MSI2: variants seen among roughly 807,000 people sequenced by gnomAD.
The protein encoded by MSI2 is musashi RNA binding protein 2.
Under a neutral mutation model 45.6 loss-of-function variants are expected in MSI2, and 17 were observed. The ratio of observed to expected loss-of-function variants is 0.37; its 90% CI spans 0.26 to 0.56. The LOEUF (loss-of-function observed/expected upper bound fraction) is 0.56. MSI2 is among the 20% of genes least tolerant of loss of function. The pLI, the probability that MSI2 is intolerant of heterozygous loss-of-function variation, is 0.77. For missense variants in MSI2, 293 were observed against 444.2 expected (o/e 0.66, Z 3.06); for synonymous variants, 156 against 158.2 (o/e 0.99, Z 0.11).
chr17:57,257,069 C>T (rs367706823), intron 1 of MSI2, 29 bp from the exon 2 acceptor site: 74 of 1,466,834 alleles, frequency 5.0e-5, no homozygotes, highest in Non-Finnish European at 6.4e-5. Context: ...GACATCGGTG[C>T]TCACTTCTGT....
chr17:57,665,761 G>GC (rs1912318528), intron 11 of MSI2, among the ~76,000 whole-genome samples: 1 of 152,184 alleles, frequency 6.6e-6, no homozygotes, highest in African/African-American at 2.4e-5. Context: ...TCTCTGGGTG[G>GC]CCCCCTGGGT....
downstream of MSI2, among the ~76,000 whole-genome samples, chr17:57,686,258 A>G (rs1913877809): frequency 6.6e-6 from 1 of 152,218 alleles, no homozygotes; most frequent in African/African-American, 2.4e-5. Flanking sequence ...AAGAGGTAGG[A>G]CAGTACCAAG....
chr17:57,439,934 G>T (rs1280883564), intron 6 of MSI2, among the ~76,000 whole-genome samples: 1 of 152,100 alleles, frequency 6.6e-6, no homozygotes, highest in Admixed American at 6.5e-5. Context: ...TGTCTGTGAT[G>T]CTTGGGGTGG....
At chr17:57,331,561 C>T (rs1914281075) in intron 5 of MSI2, among the ~76,000 whole-genome samples, 1 of 152,146 alleles carries the variant, frequency 6.6e-6, no homozygotes, top group African/African-American at 2.4e-5. Flanking sequence ...CCCTCCTGAG[C>T]GAGATCTGAA....
downstream of MSI2, among the ~76,000 whole-genome samples, chr17:57,685,324 A>G (rs1439738232): frequency 1.3e-5 from 2 of 152,170 alleles, no homozygotes; most frequent in South Asian, 2.1e-4. Context: ...CATGCTCTGA[A>G]TCAGTGGATT....
intron 10 of MSI2, among the ~76,000 whole-genome samples, chr17:57,640,124 G>T (rs1567953912): frequency 1.3e-5 from 2 of 152,184 alleles, no homozygotes; most frequent in Non-Finnish European, 2.9e-5. Context: ...TTCAAGGGCA[G>T]CACATCAGGG....
At chr17:57,398,828 T>C (rs2083937252) in intron 5 of MSI2, among the ~76,000 whole-genome samples, 1 of 152,158 alleles carries the variant, frequency 6.6e-6, no homozygotes, top group Non-Finnish European at 1.5e-5. Context: ...ATGAATACAT[T>C]AGCAAAGTTA....
chr17:57,630,137 C>G (rs1909212613), intron 10 of MSI2: 1 of 147,256 alleles, frequency 6.8e-6, no homozygotes, highest in Non-Finnish European at 1.5e-5. Context: ...ATAGGGTCCC[C>G]TGGGTGCCCA....
In MSI2 at chr17:57,461,823, AC is replaced by A. The variant is rs533653503; in HGVS notation, c.405+60355del. ...ACTGGGATTACAGACGTGAGCTAGA[AC>A]CCTTGGGTTTTGAGAAGGAGATGGC... On this transcript the variant is annotated intron_variant, in intron 6 of 13. Transcript: ENST00000284073. 8.5e-5 allele frequency among the ~76,000 whole-genome samples: 13 copies of A among 152,122 alleles called. No individual in the cohort carries two copies. The South Asian group carries it at 2.7e-3, about 32-fold the overall frequency.
the MSI2 span, among the ~76,000 whole-genome samples, chr17:57,691,850 T>A: frequency 2.6e-5 from 4 of 152,206 alleles, no homozygotes; most frequent in Non-Finnish European, 5.9e-5. Flanking sequence ...ATTCACTGGC[T>A]AGGAGCTCTA....
At chr17:57,616,151 G>A (rs1413874960) in intron 9 of MSI2, 67 bp downstream of exon 9, 6 of 1,257,096 alleles carry the variant, frequency 4.8e-6, no homozygotes, top group Non-Finnish European at 6.9e-6. Context: ...ACTCCCAACT[G>A]GGTCACCTAC....
intron 5 of MSI2, among the ~76,000 whole-genome samples, chr17:57,299,778 C>T (rs575001728): frequency 3.3e-5 from 5 of 152,150 alleles, no homozygotes; most frequent in Non-Finnish European, 5.9e-5. Flanking sequence ...AGTTAGCACA[C>T]GTGGTTGGAA....
At chr17:57,511,738 G>A (rs999441241) in intron 6 of MSI2, among the ~76,000 whole-genome samples, 1 of 152,178 alleles carries the variant, frequency 6.6e-6, no homozygotes, top group Non-Finnish European at 1.5e-5. Context: ...TGGCAATGGG[G>A]TATTGGTTTC....
intron 5 of MSI2, among the ~76,000 whole-genome samples, chr17:57,360,735 C>T (rs1051765190): frequency 6.6e-5 from 10 of 152,156 alleles, no homozygotes; most frequent in African/African-American, 1.2e-4. Flanking sequence ...ATGGGAAGAG[C>T]GAATATAACA....
At chr17:57,502,457 G>T (rs373764022) in intron 6 of MSI2, among the ~76,000 whole-genome samples, 1 of 151,540 alleles carries the variant, frequency 6.6e-6, no homozygotes, top group Non-Finnish European at 1.5e-5. Context: ...TCCTTTGAAG[G>T]TGTAATGTGT....
chr17:57,291,769 A>T (rs1441576640), intron 5 of MSI2, among the ~76,000 whole-genome samples: 1 of 152,080 alleles, frequency 6.6e-6, no homozygotes, highest in Non-Finnish European at 1.5e-5. Flanking sequence ...TGTGGCCAGA[A>T]GTTTAAGTGG....
intron 6 of MSI2, among the ~76,000 whole-genome samples, chr17:57,492,828 C>T (rs2085901970): frequency 6.6e-6 from 1 of 152,216 alleles, no homozygotes; most frequent in Non-Finnish European, 1.5e-5. Context: ...AACTCCTGAC[C>T]TCAGGTGATC....
intron 11 of MSI2, among the ~76,000 whole-genome samples, chr17:57,666,189 G>A (rs757453357): frequency 8.5e-5 from 13 of 152,124 alleles, no homozygotes; most frequent in Non-Finnish European, 1.8e-4. Context: ...TTCCAGAAGG[G>A]ACAACTGAGC....
In MSI2 at chr17:57,652,221, C is replaced by G; in HGVS notation, c.790+60C>G. On this transcript the variant is annotated intron_variant, in intron 11 of 13. Transcript: ENST00000284073. The surrounding 1 kb of genome is among the most constrained non-coding windows in gnomAD (Gnocchi z 4.1). ...ATGCCCCCAGTGTGCAGGGGGAGGT[C>G]AAGGCCCTGTCGGATCTGTGTGGCT... is the stretch of plus-strand genomic sequence containing the variant. The G allele has an allele frequency of 6.7e-7, 1 of 1,502,714 alleles. No individual in the cohort carries two copies. Among genetic ancestry groups the G allele is most frequent in the Non-Finnish European group, 9.3e-7 (1 of 1,080,254 alleles). 93.1% of individuals were successfully genotyped at this position (1,502,714 alleles called of 1,614,324 possible).
Sources: allele counts gnomAD v4.1 joint callset (sites outside exome capture counted in the v4.1 genomes callset), GRCh38; gene constraint gnomAD v4.1.1; non-coding constraint Gnocchi (gnomAD v3.1); transcripts MANE v1.5; gene names NCBI Gene and HGNC (gene_info 2026-07-23, HGNC 2026-07-21).